CACNA2D4: variants seen among roughly 807,000 people sequenced by gnomAD.
CACNA2D4 encodes the protein calcium voltage-gated channel auxiliary subunit alpha2delta 4.
A neutral mutation model predicts 163.8 loss-of-function variants in CACNA2D4; 157 were observed. That is an observed-to-expected ratio of 0.96 (90% CI 0.84 to 1.09). The LOEUF (loss-of-function observed/expected upper bound fraction) is 1.09. Among genes scored for constraint, CACNA2D4 ranks in the 50% least tolerant of loss-of-function variants. The pLI is 0.00. For missense variants in CACNA2D4, 1,410 were observed against 1,479.9 expected (o/e 0.95, Z 0.78); for synonymous variants, 598 against 586.9 (o/e 1.02, Z -0.27).
At chr12:1,896,090 A>G (rs1312696082) in intron 6 of CACNA2D4, among the ~76,000 whole-genome samples, 1 of 152,212 alleles carries the variant, frequency 6.6e-6, no homozygotes, top group Non-Finnish European at 1.5e-5. Context: ...ATCAACTCAA[A>G]ATGGATTAAA....
At position 1,834,092 on chromosome 12, in the gene CACNA2D4, A is replaced by G. The variant is rs565386229; in HGVS notation, c.2551+6647T>C. Among the ~76,000 whole-genome samples, 40 of 152,352 alleles carry G rather than the reference A, an allele frequency of 2.6e-4. No homozygotes were observed. The highest frequency in any genetic ancestry group is 9.4e-4 in the African/African-American group (39 of 41,578). ...CGTAACTCACTGTGGACTTGGCTCA[A>G]TCAATGCTGTTTTCCCTCCTCCGCT... On this transcript the variant is annotated intron_variant, in intron 26 of 37. Coordinates refer to ENST00000382722, the MANE Select transcript of CACNA2D4 (RefSeq NM_172364.5). This position sits in a 1 kb window ranked among gnomAD's most constrained non-coding sequence, Gnocchi z 7.6.
In CACNA2D4 at chr12:1,883,321, C is replaced by G. The variant is rs1160563670; in HGVS notation, c.1352-321G>C. ...TCCCTCTCCCAGCCTCGCCCTCCCA[C>G]TTCCTCACAGGAACATCTCATGAGA... On this transcript the variant is annotated intron_variant, in intron 12 of 37. Coordinates refer to ENST00000382722, the MANE Select transcript of CACNA2D4 (RefSeq NM_172364.5). The surrounding 1 kb of genome is among the most constrained non-coding windows in gnomAD (Gnocchi z 4.5). 1.3e-5 allele frequency among the ~76,000 whole-genome samples: 2 copies of G among 152,222 alleles called. No individual in the cohort carries two copies. The highest frequency in any genetic ancestry group is 2.9e-5 in the Non-Finnish European group (2 of 68,036).
intron 26 of CACNA2D4, chr12:1,830,838 G>A (rs1185799501): frequency 2.6e-5 from 27 of 1,027,878 alleles, no homozygotes; most frequent in African/African-American, 4.9e-5. Flanking sequence ...AGGAGATAAA[G>A]CCAAGAGCCT....
chr12:1,851,513 G>A (rs1005812923), intron 23 of CACNA2D4, among the ~76,000 whole-genome samples: 1 of 152,056 alleles, frequency 6.6e-6, no homozygotes, highest in South Asian at 2.1e-4. Context: ...ATGAGTTTCC[G>A]GATTTCCTTT....
rs1184450922 is a variant in CACNA2D4 at position 1,879,865 on chromosome 12, G to C, written c.1502C>G (p.Ala501Gly). 9 of 1,599,422 alleles carry C rather than the reference G, an allele frequency of 5.6e-6. No homozygotes were observed. The highest frequency in any genetic ancestry group is 6.8e-6 in the Non-Finnish European group (8 of 1,173,224). The change falls in exon 14 of 38, where the codon GCT (alanine) becomes GGT (glycine). Residue 501 changes from alanine (A) to glycine (G), a missense_variant. Coordinates refer to ENST00000382722, the MANE Select transcript of CACNA2D4 (RefSeq NM_172364.5). ...AGTGGTGAGCAGTGTCAGGCTCTGA[G>C]CCTGCGAGCTGAGGAGCTGTAAGGG... is the stretch of plus-strand genomic sequence containing the variant. ...YMDSKLLSSQ[A>G]QSLTLLTTVA...
intron 36 of CACNA2D4, 135 bp downstream of exon 36, chr12:1,795,533 G>T: frequency 1.1e-6 from 1 of 940,020 alleles, no homozygotes; most frequent in Non-Finnish European, 1.7e-6. Flanking sequence ...GGAAGGGTTA[G>T]AGAACAAATA....
intron 23 of CACNA2D4, 78 bp downstream of exon 23, chr12:1,853,873 T>C (rs1865341884): frequency 2.7e-6 from 3 of 1,130,306 alleles, no homozygotes; most frequent in East Asian, 2.5e-5. Flanking sequence ...ACCAGCCAGA[T>C]GGTGAGAGGG....
intron 6 of CACNA2D4, among the ~76,000 whole-genome samples, chr12:1,898,976 TAA>T (rs577915854): frequency 1.8e-3 from 274 of 152,208 alleles, no homozygotes; most frequent in African/African-American, 6.3e-3. Context: ...TTTTGCAAGA[TAA>T]AAAGAGTTTT....
chr12:1,799,863 G>T lies in CACNA2D4; in HGVS notation c.2974+137C>A, dbSNP rs1044280117. 7 of 1,253,560 alleles carry T rather than the reference G, an allele frequency of 5.6e-6. No individual in the cohort carries two copies. Among genetic ancestry groups the T allele is most frequent in the South Asian group, 2.6e-5 (2 of 76,754 alleles). The allele number at this position is 1,253,560 out of a possible 1,614,324, so 77.7% of individuals were successfully genotyped here. A position where few individuals can be genotyped will look rare whatever the true frequency, so the allele number is the denominator to read the frequency against. On this transcript the variant is annotated intron_variant, in intron 33 of 37. Transcript: ENST00000382722. This position sits in a 1 kb window ranked among gnomAD's most constrained non-coding sequence, Gnocchi z 4.7. ...GAGGGATGTGATGAGAGAAGGCCACGCAGGGTGAGATGTGAACAACGATGC... is the reference window on the plus strand; with the variant it reads ...GAGGGATGTGATGAGAGAAGGCCACTCAGGGTGAGATGTGAACAACGATGC...
chr12:1,800,947 C>T, intron 31 of CACNA2D4, 96 bp downstream of exon 31: 3 of 1,180,316 alleles, frequency 2.5e-6, no homozygotes, highest in Non-Finnish European at 3.8e-6. Context: ...GCCAGACACC[C>T]AAGGTGGGTG....
At chr12:1,810,932 C>G (rs1863685528) in intron 27 of CACNA2D4, among the ~76,000 whole-genome samples, 1 of 152,168 alleles carries the variant, frequency 6.6e-6, no homozygotes, top group Non-Finnish European at 1.5e-5. Flanking sequence ...TGGAAGGGCC[C>G]AGGTAGCCCT....
rs771028700 is a variant in CACNA2D4, at chr12:1,798,187, C to T, written c.2996-652G>A. Among the ~76,000 whole-genome samples, 16 of 152,190 alleles carry T rather than the reference C, an allele frequency of 1.1e-4. No individual in the cohort carries two copies. Among genetic ancestry groups the T allele is most frequent in the Non-Finnish European group, 2.1e-4 (14 of 68,012 alleles). On this transcript the variant is annotated intron_variant, in intron 34 of 37. Coordinates refer to ENST00000382722, the MANE Select transcript of CACNA2D4 (RefSeq NM_172364.5). The surrounding 1 kb of genome is among the most constrained non-coding windows in gnomAD (Gnocchi z 4.3). ...CAGTGGACTCAACCAAAGGTGGAGG[C>T]GAGTGCCTCAGCCCCGCTCTGCAGG... is the stretch of plus-strand genomic sequence containing the variant.
intron 18 of CACNA2D4, among the ~76,000 whole-genome samples, chr12:1,860,690 C>T (rs1327707192): frequency 6.6e-6 from 1 of 152,182 alleles, no homozygotes; most frequent in Non-Finnish European, 1.5e-5. Flanking sequence ...CCACTTAAAC[C>T]TCCTCGCCCT....
chr12:1,889,954 A>G (rs1016186222), intron 6 of CACNA2D4, among the ~76,000 whole-genome samples: 1 of 152,206 alleles, frequency 6.6e-6, no homozygotes, highest in African/African-American at 2.4e-5. Flanking sequence ...AAGAGAGAAC[A>G]TTGGAATTCA....
intron 27 of CACNA2D4, among the ~76,000 whole-genome samples, chr12:1,810,951 T>G (rs924933617): frequency 4.6e-5 from 7 of 152,152 alleles, no homozygotes; most frequent in African/African-American, 9.7e-5. Flanking sequence ...CTTCTAGAGG[T>G]GCAGGCTCTG....
At chr12:1,890,440 T>G (rs1866252812) in intron 6 of CACNA2D4, among the ~76,000 whole-genome samples, 1 of 152,214 alleles carries the variant, frequency 6.6e-6, no homozygotes, top group African/African-American at 2.4e-5. Flanking sequence ...ATAACCCCAC[T>G]GCCCTTGGCA....
chr12:1,832,003 G>C (rs1864657167), intron 26 of CACNA2D4, among the ~76,000 whole-genome samples: 1 of 152,202 alleles, frequency 6.6e-6, no homozygotes, highest in Admixed American at 6.5e-5. Context: ...TGAATCCTCA[G>C]TAAAACCAAA....
At chr12:1,839,781 G>A (rs758166) in intron 26 of CACNA2D4, among the ~76,000 whole-genome samples, 1 of 151,808 alleles carries the variant, frequency 6.6e-6, no homozygotes, top group African/African-American at 2.4e-5. Flanking sequence ...GACGGAGCAG[G>A]TAAGGGAATG....
chr12:1,885,571 T>C (rs1413318831), intron 9 of CACNA2D4, among the ~76,000 whole-genome samples: 1 of 152,218 alleles, frequency 6.6e-6, no homozygotes, highest in Non-Finnish European at 1.5e-5. Flanking sequence ...TCCTCCTTGG[T>C]CTTTTACCAG....
Sources: allele counts gnomAD v4.1 joint callset (sites outside exome capture counted in the v4.1 genomes callset), GRCh38; gene constraint gnomAD v4.1.1; non-coding constraint Gnocchi (gnomAD v3.1); transcripts MANE v1.5; gene names NCBI Gene and HGNC (gene_info 2026-07-23, HGNC 2026-07-21).